Variants in PCNX2 observed in about 807,000 individuals in gnomAD.
The protein encoded by PCNX2 is pecanex 2.
In PCNX2, 168 loss-of-function variants were observed where a neutral mutation model predicts 223.8. The ratio of observed to expected loss-of-function variants is 0.75; its 90% CI spans 0.66 to 0.85. The LOEUF (loss-of-function observed/expected upper bound fraction) is 0.85, where lower values mean the gene tolerates loss of function less well. PCNX2 is among the 40% of genes least tolerant of loss of function. PCNX2 has a pLI of 0.00. For missense variants in PCNX2, 2,507 were observed against 2,675.5 expected (o/e 0.94, Z 1.39); for synonymous variants, 1,006 against 1,052.6 (o/e 0.96, Z 0.86).
At position 233,217,880 on chromosome 1, in the gene PCNX2, C is replaced by T; in HGVS notation, c.2691+19G>A. ...ACAGACAGACAAGAAAAGCTACTTG[C>T]CTGTATTTGGAAACTTACGTGTATT... On this transcript the variant is annotated intron_variant, in intron 12 of 33. Coordinates refer to ENST00000258229, the MANE Select transcript of PCNX2 (RefSeq NM_014801.4). 1 of 1,613,680 alleles carries T rather than the reference C, an allele frequency of 6.2e-7. No homozygotes were observed. Among genetic ancestry groups the T allele is most frequent in the South Asian group, 1.1e-5 (1 of 91,040 alleles).
chr1:233,127,594 A>G (rs1242242444), intron 21 of PCNX2, among the ~76,000 whole-genome samples: 1 of 152,084 alleles, frequency 6.6e-6, no homozygotes, highest in Non-Finnish European at 1.5e-5. Flanking sequence ...CAGGGAAGGC[A>G]GTATCACAAA....
intron 19 of PCNX2, among the ~76,000 whole-genome samples, chr1:233,145,000 T>G (rs1677357423): frequency 6.6e-6 from 1 of 150,518 alleles, no homozygotes; most frequent in Non-Finnish European, 1.5e-5. Flanking sequence ...AGTCTTGCTC[T>G]GTCACCCAGG....
chr1:233,139,835 A>G lies in PCNX2; in HGVS notation c.3538T>C (p.Phe1180Leu), dbSNP rs201584866. Residue 1180 changes from phenylalanine (F) to leucine (L), a missense_variant, in exon 20 of 34, where the codon TTC becomes CTC. By Grantham distance (22) the Phe-to-Leu change is conservative (BLOSUM62 0). Around this residue, in one of 3 missense-constraint regions of PCNX2, gnomAD observed 1,372 missense variants for 1,509.4 expected, o/e 0.91. Coordinates refer to ENST00000258229, the MANE Select transcript of PCNX2 (RefSeq NM_014801.4). This position sits in a 1 kb window ranked among gnomAD's most constrained non-coding sequence, Gnocchi z 4.4. Reference protein sequence around the residue: ...EVRDVAHLMWFERLYVWLQCF... With the variant: ...EVRDVAHLMWLERLYVWLQCF... The stretch of plus-strand genomic sequence containing the variant: ...TGAAGCCAAACATAGAGTCTTTCGA[A>G]CCACATTAAATGGGCAACATCTGAA... The G allele has an allele frequency of 1.1e-4, 171 of 1,613,212 alleles. No individual in the cohort carries two copies. Among genetic ancestry groups the G allele is most frequent in the Non-Finnish European group, 1.3e-4 (159 of 1,179,710 alleles).
intron 25 of PCNX2, among the ~76,000 whole-genome samples, chr1:233,036,480 A>T (rs1170848150): frequency 6.6e-6 from 1 of 152,052 alleles, no homozygotes; most frequent in African/African-American, 2.4e-5. Context: ...AAATACAAAA[A>T]TTAGCCAGGT....
At chr1:233,124,983 A>G (rs1036877214) in intron 21 of PCNX2, among the ~76,000 whole-genome samples, 3 of 152,238 alleles carry the variant, frequency 2.0e-5, no homozygotes, top group Admixed American at 6.5e-5. Context: ...ATCAATGAAT[A>G]TACTTGGTCA....
At position 232,991,188 on chromosome 1, in the gene PCNX2, C is replaced by T. The variant is rs1312680292; in HGVS notation, c.5792-4648G>A. On this transcript the variant is annotated intron_variant, in intron 32 of 33. Transcript: ENST00000258229. The surrounding 1 kb of genome is among the most constrained non-coding windows in gnomAD (Gnocchi z 4.3). Reference sequence around the variant, plus strand: ...CAGCAGTGCTGTATGGAAGGCTGGCCAGGGTCTCTTGGATAAGCTGGGATT... The same window carrying T: ...CAGCAGTGCTGTATGGAAGGCTGGCTAGGGTCTCTTGGATAAGCTGGGATT... 1.3e-5 allele frequency among the ~76,000 whole-genome samples: 2 copies of T among 152,106 alleles called. No individual in the cohort carries two copies. The highest frequency in any genetic ancestry group is 2.9e-5 in the Non-Finnish European group (2 of 68,018).
At chr1:233,077,337 C>G (rs948600274) in intron 23 of PCNX2, among the ~76,000 whole-genome samples, 2 of 152,134 alleles carry the variant, frequency 1.3e-5, no homozygotes, top group Non-Finnish European at 2.9e-5. Flanking sequence ...AGCACAGGGA[C>G]AAAATTTGAC....
intron 15 of PCNX2, among the ~76,000 whole-genome samples, chr1:233,189,188 T>C (rs1206369827): frequency 6.6e-6 from 1 of 152,232 alleles, no homozygotes; most frequent in Non-Finnish European, 1.5e-5. Context: ...CATGCACCCT[T>C]AGGCAAGTAA....
In PCNX2 at chr1:233,218,091, T is replaced by C; in HGVS notation, c.2598A>G (p.Lys866=). Residue 866 remains lysine, a synonymous_variant, in exon 11 of 34, where the codon AAA becomes AAG. Coordinates refer to ENST00000258229, the MANE Select transcript of PCNX2 (RefSeq NM_014801.4). ...GFLTLSQGFC[K]DMWVLLFCLV... is the part of the protein sequence containing the mutation. ...GGCAGAAGAGGAGCACCCACATATC[T>C]TTGCAAAAGCCTTGGCTCAAGGTCA... The C allele has an allele frequency of 6.3e-7, 1 of 1,579,966 alleles. No individual in the cohort carries two copies. Among genetic ancestry groups the C allele is most frequent in the Non-Finnish European group, 8.6e-7 (1 of 1,162,542 alleles).
At chr1:233,066,675 A>T (rs1030479999) in intron 23 of PCNX2, among the ~76,000 whole-genome samples, 2 of 152,224 alleles carry the variant, frequency 1.3e-5, no homozygotes, top group Non-Finnish European at 2.9e-5. Flanking sequence ...CCAGTAGCGC[A>T]AACCAAGCAC....
intron 28 of PCNX2, among the ~76,000 whole-genome samples, chr1:233,012,931 C>T (rs574790938): frequency 6.6e-6 from 1 of 152,290 alleles, no homozygotes; most frequent in East Asian, 1.9e-4. Flanking sequence ...TCCTATGAAG[C>T]CCTTCTCAAA....
At chr1:233,308,117 A>G in the PCNX2 span, among the ~76,000 whole-genome samples, 2 of 152,206 alleles carry the variant, frequency 1.3e-5, no homozygotes. Flanking sequence ...ATGATACCAA[A>G]TCCATACATG....
At chr1:233,158,117 G>A (rs543584212) in intron 19 of PCNX2, among the ~76,000 whole-genome samples, 55 of 152,186 alleles carry the variant, frequency 3.6e-4, no homozygotes, top group Admixed American at 3.2e-3. Flanking sequence ...ATAGCTAAAT[G>A]ATTTTAATTT....
chr1:233,200,819 T>G (rs978430710), intron 13 of PCNX2, among the ~76,000 whole-genome samples: 5 of 151,586 alleles, frequency 3.3e-5, no homozygotes, highest in East Asian at 1.9e-4. Context: ...GTCAGGAGTT[T>G]GAGACCAGCC....
intron 20 of PCNX2, among the ~76,000 whole-genome samples, chr1:233,136,775 A>G (rs1676828147): frequency 6.6e-6 from 1 of 151,770 alleles, no homozygotes; most frequent in Admixed American, 6.6e-5. Flanking sequence ...AAAACCTAAA[A>G]ACCCCTGTGG....
chr1:233,185,986 G>T (rs1418601159), intron 15 of PCNX2, among the ~76,000 whole-genome samples: 1 of 152,182 alleles, frequency 6.6e-6, no homozygotes, highest in Non-Finnish European at 1.5e-5. Flanking sequence ...GGAATTATCT[G>T]ACGAGAATGC....
At chr1:233,314,663 G>A in the PCNX2 span, among the ~76,000 whole-genome samples, 1 of 152,034 alleles carries the variant, frequency 6.6e-6, no homozygotes, top group Non-Finnish European at 1.5e-5. Context: ...AATGGAAGCT[G>A]TGGCTCAAAA....
At position 233,258,754 on chromosome 1, in the gene PCNX2, G is replaced by A. The variant is rs1659881416; in HGVS notation, c.1108C>T (p.Leu370=). 1 of 1,613,872 alleles carries A rather than the reference G, an allele frequency of 6.2e-7. No homozygotes were observed. The highest frequency in any genetic ancestry group is 1.1e-5 in the South Asian group (1 of 91,060). ...ATAACAATTTTTATGGGCTCATGTA[G>A]ACTCAGTGGGTCTCCGGGTTGAGAA... ...DTSQPGDPLS[L]HEPIKIVITM... Residue 370 remains leucine, a synonymous_variant, in exon 5 of 34, where the codon CTA becomes TTA. Transcript: ENST00000258229.
intron 17 of PCNX2, among the ~76,000 whole-genome samples, chr1:233,177,345 T>TG (rs1387055512): frequency 3.3e-5 from 5 of 152,208 alleles, no homozygotes; most frequent in African/African-American, 1.2e-4. Context: ...CTCCTTCCTT[T>TG]GTTCTCCTCT....
Sources: gnomAD v4.1 joint callset for allele counts (sites outside exome capture counted in the v4.1 genomes callset) on GRCh38, gnomAD v4.1.1 for gene constraint, gnomAD v4.1.1 regional missense constraint, Gnocchi (gnomAD v3.1) non-coding constraint, MANE v1.5 for transcripts, NCBI Gene and HGNC (gene_info 2026-07-23, HGNC 2026-07-21) for gene names.